The following PAWR variants were observed in gnomAD, a reference collection of about 807,000 sequenced individuals.
PAWR encodes the protein pro-apoptotic WT1 regulator, also known as PRKC apoptosis WT1 regulator protein.
Under a neutral mutation model 32.0 loss-of-function variants are expected in PAWR, and 23 were observed. That is an observed-to-expected ratio of 0.72 (90% CI 0.52 to 1.02). The LOEUF is 1.02. Ranked by LOEUF, PAWR falls within the 50% of genes least tolerant of loss-of-function variation. The probability of loss-of-function intolerance (pLI) is 0.00; values close to 1 mark genes in which losing one functional copy is unlikely to be tolerated. For synonymous variants in PAWR, 226 were observed against 187.1 expected, an observed-to-expected ratio of 1.21 and a Z score of -1.70; for missense variants, 457 against 437.7, an observed-to-expected ratio of 1.04 and a Z score of -0.39.
At chr12:79,627,596 T>G (rs1321062038) in intron 2 of PAWR, among the ~76,000 whole-genome samples, 1 of 152,146 alleles carries the variant, frequency 6.6e-6, no homozygotes, top group African/African-American at 2.4e-5. Flanking sequence ...TTAGTTTAAT[T>G]AGATCCCATT....
chr12:79,587,956 T>C lies in PAWR; in HGVS notation c.*4651A>G, dbSNP rs530534845. The C allele has an allele frequency of 1.2e-4, 19 of 152,196 alleles. No individual in the cohort carries two copies. Among genetic ancestry groups the C allele is most frequent in the African/African-American group, 4.6e-4 (19 of 41,588 alleles). The allele number at this position is 152,196 out of a possible 1,614,324, so 9.4% of individuals were successfully genotyped here. A position where few individuals can be genotyped will look rare whatever the true frequency, so the allele number is the denominator to read the frequency against. ...GTTCAATAAATTATCCAGATGTTTT[T>C]CCACAAATATTTGGATTACCTGAAT... On this transcript the variant is annotated 3_prime_UTR_variant, in exon 7 of 7. Transcript: ENST00000328827.
chr12:79,650,714 TAAAAAAAA>T (rs34166197), intron 2 of PAWR, among the ~76,000 whole-genome samples: 3 of 113,074 alleles, frequency 2.7e-5, no homozygotes, highest in African/African-American at 6.9e-5. Flanking sequence ...TAAAGGTTAT[TAAAAAAAA>T]AAAAAAAAAA....
chr12:79,635,652 C>T (rs533989014), intron 2 of PAWR: 1 of 152,204 alleles, frequency 6.6e-6, no homozygotes, highest in Admixed American at 6.5e-5. Context: ...TGTTTATAAT[C>T]TTATTTTTAA....
intron 2 of PAWR, among the ~76,000 whole-genome samples, chr12:79,662,072 C>T (rs1363191888): frequency 6.6e-6 from 1 of 151,818 alleles, no homozygotes; most frequent in Non-Finnish European, 1.5e-5. Context: ...TCAGTCAATA[C>T]GCATAGTAGC....
intron 2 of PAWR, among the ~76,000 whole-genome samples, chr12:79,673,671 G>C (rs534438726): frequency 9.1e-4 from 138 of 152,310 alleles, no homozygotes; most frequent in Admixed American, 2.2e-3. Flanking sequence ...TCCCTTGTCA[G>C]AGGTCTGAGA....
intron 4 of PAWR, among the ~76,000 whole-genome samples, chr12:79,600,622 C>T (rs890232458): frequency 3.4e-5 from 5 of 146,194 alleles, no homozygotes; most frequent in Middle Eastern, 3.5e-3. Context: ...GCTGGGACTA[C>T]AGGCATATGC....
chr12:79,612,729 G>C (rs138985012), intron 4 of PAWR, among the ~76,000 whole-genome samples: 166 of 152,242 alleles, frequency 1.1e-3, no homozygotes, highest in African/African-American at 3.9e-3. Context: ...ATCATTCTAG[G>C]ATTATTAGCG....
chr12:79,601,261 C>T (rs1199431173), intron 4 of PAWR, among the ~76,000 whole-genome samples: 1 of 145,348 alleles, frequency 6.9e-6, no homozygotes, highest in African/African-American at 2.6e-5. Context: ...CTCTGTGGCC[C>T]AGGCTGGAGT....
chr12:79,670,262 G>A (rs1316844688), intron 2 of PAWR, among the ~76,000 whole-genome samples: 1 of 152,166 alleles, frequency 6.6e-6, no homozygotes, highest in Non-Finnish European at 1.5e-5. Flanking sequence ...AGAGAAAAAT[G>A]CAAGTAAAGT....
intron 2 of PAWR, among the ~76,000 whole-genome samples, chr12:79,628,280 C>T (rs1037270490): frequency 1.3e-5 from 2 of 152,096 alleles, no homozygotes; most frequent in Admixed American, 1.3e-4. Flanking sequence ...ACACAACATA[C>T]ATTCAGAATC....
At chr12:79,666,179 T>C (rs1592543330) in intron 2 of PAWR, among the ~76,000 whole-genome samples, 1 of 152,264 alleles carries the variant, frequency 6.6e-6, no homozygotes, top group East Asian at 1.9e-4. Flanking sequence ...TTTCAATTAG[T>C]ACAAAGGGGG....
rs750394853 is a variant in PAWR at position 79,595,954 on chromosome 12, T to TAAA, written c.831+556_831+557insTTT. 7.2e-5 allele frequency among the ~76,000 whole-genome samples: 11 copies of TAAA among 152,254 alleles called. 1 individual carries two copies. Among genetic ancestry groups the TAAA allele is most frequent in the Admixed American group, 3.9e-4 (6 of 15,300 alleles). ...AAATGTGACCTCAAAAAATCATAAA[T>TAAA]GTTATAAAATAGAAACAAGTTTTAA... On this transcript the variant is annotated intron_variant, in intron 5 of 6. Transcript: ENST00000328827.
Position 79,664,660 on chromosome 12 carries a change from G to GGGT in PAWR, c.516+25068_516+25069insACC, listed in dbSNP as rs1555177484. Among the ~76,000 whole-genome samples, 8 of 149,124 alleles carry GGGT rather than the reference G, an allele frequency of 5.4e-5. 1 individual carries two copies. The highest frequency in any genetic ancestry group is 2.0e-4 in the African/African-American group (8 of 39,440). ...TAAGGACAAAGTAGACTCTTTGGCG[G>GGGT]GGGGGGGAGGAGAGAGAGAGAGTGG... On this transcript the variant is annotated intron_variant, in intron 2 of 6. Transcript: ENST00000328827.
intron 6 of PAWR, among the ~76,000 whole-genome samples, chr12:79,593,700 G>GATT (rs1278954828): frequency 1.4e-5 from 2 of 145,252 alleles, no homozygotes; most frequent in Non-Finnish European, 1.5e-5. Context: ...CCAATTTTAG[G>GATT]GTTTTTTTTT....
chr12:79,621,079 T>G lies in PAWR; in HGVS notation c.645A>C (p.Leu215=). 6.3e-7 allele frequency: 1 copy of G among 1,595,766 alleles called. No individual in the cohort carries two copies. Among genetic ancestry groups the G allele is most frequent in the Non-Finnish European group, 8.5e-7 (1 of 1,173,372 alleles). Residue 215 remains leucine (L), a synonymous_variant, in exon 3 of 7, where the codon CTA becomes CTC. Transcript: ENST00000328827. ...NLLDPGSSYL[L]QEPPRTVSGR... The stretch of plus-strand genomic sequence containing the variant: ...CCTGGTATTTTTAAATACTCACCTG[T>G]AGCAGATAGGAACTGCCTGGATCTA...
chr12:79,678,093 C>T (rs1316142958), intron 2 of PAWR, among the ~76,000 whole-genome samples: 1 of 152,126 alleles, frequency 6.6e-6, no homozygotes, highest in Non-Finnish European at 1.5e-5. Context: ...CTTTTTAATG[C>T]ATATGGAAAT....
chr12:79,674,960 A>G (rs1434501450), intron 2 of PAWR, among the ~76,000 whole-genome samples: 1 of 152,200 alleles, frequency 6.6e-6, no homozygotes, highest in African/African-American at 2.4e-5. Flanking sequence ...ACTGCTGGTG[A>G]GAATTTAAAT....
chr12:79,606,522 G>C (rs1040218976), intron 4 of PAWR, among the ~76,000 whole-genome samples: 1 of 152,082 alleles, frequency 6.6e-6, no homozygotes, highest in African/African-American at 2.4e-5. Flanking sequence ...GTTATTTTCT[G>C]ACATTGTACT....
intron 2 of PAWR, among the ~76,000 whole-genome samples, chr12:79,682,383 A>G (rs189581767): frequency 1.2e-3 from 179 of 152,342 alleles, no homozygotes; most frequent in Non-Finnish European, 2.4e-3. Context: ...AATCCACAAT[A>G]TAAATTCTCT....
Sources: allele counts gnomAD v4.1 joint callset (sites outside exome capture counted in the v4.1 genomes callset), GRCh38; gene constraint gnomAD v4.1.1; transcripts MANE v1.5; gene names NCBI Gene and HGNC (gene_info 2026-07-23, HGNC 2026-07-21).